Variants in TAFA2 observed in about 807,000 individuals in gnomAD.
TAFA2 encodes the protein TAFA chemokine like family member 2, also known as chemokine-like protein TAFA-2.
TAFA2 carries 7 observed loss-of-function variants against 18.8 expected under a neutral mutation model. The ratio of observed to expected loss-of-function variants is 0.37; its 90% CI spans 0.21 to 0.70. TAFA2 has a LOEUF of 0.70. Ranked by LOEUF, TAFA2 falls within the 30% of genes least tolerant of loss-of-function variation. The pLI is 0.53. For missense variants in TAFA2, 122 were observed against 158.1 expected (o/e 0.77, Z 1.23); for synonymous variants, 60 against 54.2 (o/e 1.11, Z -0.47).
chr12:61,974,093 G>A (rs2136668471), intron 1 of TAFA2, among the ~76,000 whole-genome samples: 1 of 151,726 alleles, frequency 6.6e-6, no homozygotes, highest in East Asian at 1.9e-4. Context: ...TGAAAATTAG[G>A]ACAGAGACAG....
chr12:61,862,573 G>A (rs540089230), intron 2 of TAFA2, among the ~76,000 whole-genome samples: 3 of 152,076 alleles, frequency 2.0e-5, no homozygotes, highest in South Asian at 2.1e-4. Flanking sequence ...CTTGTATTTC[G>A]GTAGAGGTAT....
chr12:61,765,376 T>C (rs1318300132), intron 2 of TAFA2, among the ~76,000 whole-genome samples: 1 of 152,088 alleles, frequency 6.6e-6, no homozygotes, highest in Non-Finnish European at 1.5e-5. Context: ...TTAGGCTATG[T>C]TAAGCCAATG....
At chr12:62,045,368 T>C (rs1881882265) in intron 1 of TAFA2, among the ~76,000 whole-genome samples, 1 of 151,914 alleles carries the variant, frequency 6.6e-6, no homozygotes, top group Admixed American at 6.5e-5. Context: ...GGCTGGAACC[T>C]GACCAAGAAA....
intron 2 of TAFA2, among the ~76,000 whole-genome samples, chr12:61,765,971 C>T (rs958658569): frequency 1.3e-5 from 2 of 152,034 alleles, no homozygotes. Context: ...CCATTAACTC[C>T]TCCACCCCTC....
chr12:62,120,720 C>A (rs1271377133), intron 1 of TAFA2, among the ~76,000 whole-genome samples: 1 of 152,100 alleles, frequency 6.6e-6, no homozygotes, highest in Non-Finnish European at 1.5e-5. Context: ...TCTCTATTTT[C>A]CAGTCTCTCC....
intron 1 of TAFA2, among the ~76,000 whole-genome samples, chr12:62,111,500 G>C (rs1043162910): frequency 2.0e-5 from 3 of 152,128 alleles, no homozygotes; most frequent in African/African-American, 4.8e-5. Flanking sequence ...ATGTCTATTA[G>C]GTCTGCTTTG....
intron 1 of TAFA2, among the ~76,000 whole-genome samples, chr12:62,095,244 G>C (rs990857119): frequency 1.3e-5 from 2 of 152,130 alleles, no homozygotes; most frequent in African/African-American, 4.8e-5. Context: ...CAGGCACTGT[G>C]CTAGGCACTC....
At chr12:61,976,252 A>G (rs1303084302) in intron 1 of TAFA2, among the ~76,000 whole-genome samples, 1 of 151,840 alleles carries the variant, frequency 6.6e-6, no homozygotes, top group Non-Finnish European at 1.5e-5. Context: ...CCCAATCAAA[A>G]GGCAATATAC....
At chr12:62,062,450 G>A (rs1257168265) in intron 1 of TAFA2, among the ~76,000 whole-genome samples, 1 of 152,018 alleles carries the variant, frequency 6.6e-6, no homozygotes, top group Non-Finnish European at 1.5e-5. Context: ...TGTGATAGGA[G>A]GCTACTCATT....
chr12:62,197,849 C>T (rs2062655140), intron 1 of TAFA2, among the ~76,000 whole-genome samples: 1 of 152,100 alleles, frequency 6.6e-6, no homozygotes, highest in Non-Finnish European at 1.5e-5. Flanking sequence ...AACCATTCAC[C>T]TCTTAATGAA....
intron 1 of TAFA2, chr12:62,070,316 A>G (rs1020246389): frequency 2.6e-5 from 4 of 152,218 alleles, no homozygotes; most frequent in Non-Finnish European, 5.9e-5. Context: ...TGTATGTGAG[A>G]GAGAATATGC....
intron 2 of TAFA2, among the ~76,000 whole-genome samples, chr12:61,862,440 T>A (rs1874167387): frequency 6.6e-6 from 1 of 152,208 alleles, no homozygotes; most frequent in Non-Finnish European, 1.5e-5. Context: ...AATTTCTGAT[T>A]TTTAGATACC....
intron 2 of TAFA2, among the ~76,000 whole-genome samples, chr12:61,755,724 T>G (rs1454982677): frequency 6.6e-6 from 1 of 152,098 alleles, no homozygotes; most frequent in Non-Finnish European, 1.5e-5. Context: ...TCCAATAAGC[T>G]GTCAGGCTTC....
rs1877051042 is a variant in TAFA2 at position 61,921,474 on chromosome 12, G to T, written c.-1-54048C>A. On this transcript the variant is annotated intron_variant, in intron 1 of 4. Coordinates refer to ENST00000416284, the MANE Select transcript of TAFA2 (RefSeq NM_178539.5). ...GTTTGTGCAATGGAAGAATAGAATT[G>T]CCCCTGTGTGAAATGGAAAAGGCTA... Among the ~76,000 whole-genome samples the T allele has an allele frequency of 2.0e-5, 3 of 152,270 alleles. No individual in the cohort carries two copies. The South Asian group carries it at 6.2e-4, about 32-fold the overall frequency.
chr12:61,794,928 C>T (rs1450439036), intron 2 of TAFA2, among the ~76,000 whole-genome samples: 9 of 152,082 alleles, frequency 5.9e-5, no homozygotes, highest in Admixed American at 5.2e-4. Context: ...AGGATATGAA[C>T]AGACACTTCT....
chr12:61,924,441 T>C (rs189670994), intron 1 of TAFA2, among the ~76,000 whole-genome samples: 16 of 152,252 alleles, frequency 1.1e-4, no homozygotes, highest in Admixed American at 9.8e-4. Flanking sequence ...TATTCAACAT[T>C]CTTAAAGAAA....
intron 1 of TAFA2, among the ~76,000 whole-genome samples, chr12:62,042,403 G>C (rs1023209657): frequency 2.3e-5 from 2 of 85,404 alleles, no homozygotes; most frequent in Non-Finnish European, 2.5e-5. Flanking sequence ...ATTGAAGTCT[G>C]TGTGTGTGTG....
intron 1 of TAFA2, among the ~76,000 whole-genome samples, chr12:62,017,078 T>C (rs946855556): frequency 3.9e-5 from 6 of 152,188 alleles, no homozygotes; most frequent in Non-Finnish European, 5.9e-5. Flanking sequence ...CCACCCCAGC[T>C]AATCTTCACA....
chr12:62,112,345 CA>C (rs1180927080), intron 1 of TAFA2, among the ~76,000 whole-genome samples: 2 of 152,164 alleles, frequency 1.3e-5, no homozygotes, highest in African/African-American at 4.8e-5. Context: ...AGGGTTTCTG[CA>C]GAGAGATCTG....
Sources: allele counts gnomAD v4.1 joint callset (sites outside exome capture counted in the v4.1 genomes callset), GRCh38; gene constraint gnomAD v4.1.1; transcripts MANE v1.5; gene names NCBI Gene and HGNC (gene_info 2026-07-23, HGNC 2026-07-21).